Variants in PAK3 observed in about 807,000 individuals in gnomAD.
The protein encoded by PAK3 is serine/threonine-protein kinase PAK 3.
A neutral mutation model predicts 41.0 loss-of-function variants in PAK3; 4 were observed. That is an observed-to-expected ratio of 0.10 (90% confidence interval 0.05 to 0.22). The LOEUF (loss-of-function observed/expected upper bound fraction) is 0.22, where lower values mean the gene tolerates loss of function less well. Among genes scored for constraint, PAK3 ranks in the 10% least tolerant of loss-of-function variants. PAK3 has a pLI of 1.00. For synonymous variants in PAK3, 146 were observed against 139.6 expected (o/e 1.05, Z -0.32); for missense variants, 205 against 409.9 (o/e 0.50, Z 4.32).
chrX:111,179,705 A>G (rs1474505922), intron 11 of PAK3, among the ~76,000 whole-genome samples: 5 of 111,760 alleles, frequency 4.5e-5, no homozygotes. Context: ...GTAAGTCTGT[A>G]TACCCTGAAG....
intron 11 of PAK3, 149 bp downstream of exon 11, chrX:111,173,230 A>C (rs1413206297): frequency 2.0e-5 from 9 of 445,724 alleles, no homozygotes; most frequent in Non-Finnish European, 3.6e-5. Context: ...TTGGCCTTTC[A>C]GGGGGAGTGC....
chrX:111,016,453 T>C (rs1160869119), intron 1 of PAK3, among the ~76,000 whole-genome samples: 2 of 110,941 alleles, frequency 1.8e-5, no homozygotes, highest in Non-Finnish European at 3.8e-5. Flanking sequence ...TATGAGAAAT[T>C]CAAAAGAGAA....
At chrX:111,105,519 CA>C (rs201752399) in intron 4 of PAK3, among the ~76,000 whole-genome samples, 4,700 of 111,824 alleles carry the variant, frequency 0.042, 141 homozygotes, top group African/African-American at 0.094. Context: ...AAACTTATCA[CA>C]GGGACACAAA....
At chrX:110,994,580 C>T (rs1444983044) in intron 1 of PAK3, among the ~76,000 whole-genome samples, 2 of 111,759 alleles carry the variant, frequency 1.8e-5, no homozygotes, top group East Asian at 5.7e-4. Flanking sequence ...CCTGAATAAG[C>T]TCCTCCTTTT....
chrX:111,050,766 G>T (rs1434005218), intron 1 of PAK3, among the ~76,000 whole-genome samples: 3 of 112,709 alleles, frequency 2.7e-5, no homozygotes, highest in Non-Finnish European at 5.6e-5. Flanking sequence ...TGATTGTTCT[G>T]CTGCTGTTGG....
chrX:111,135,592 C>T (rs2093778142), intron 5 of PAK3, among the ~76,000 whole-genome samples: 1 of 111,086 alleles, frequency 9.0e-6, no homozygotes, highest in Non-Finnish European at 1.9e-5. Flanking sequence ...CTGAGAAATG[C>T]AGAAATAGAC....
In PAK3 at chrX:111,221,573, T is replaced by G. The variant is rs865987416; in HGVS notation, c.*1126T>G. On this transcript the variant is annotated 3_prime_UTR_variant, in exon 18 of 18. Coordinates refer to ENST00000372007, the MANE Select transcript of PAK3 (RefSeq NM_002578.5). The stretch of plus-strand genomic sequence containing the variant: ...AATAGATACATTAATCATCATTTAC[T>G]TATGATACAAATTATTTATTTTGAC... 1.8e-5 allele frequency: 2 copies of G among 112,418 alleles called. No individual in the cohort carries two copies. The highest frequency in any genetic ancestry group is 1.9e-4 in the Admixed American group (2 of 10,613). 9.3% of individuals were successfully genotyped at this position (112,418 alleles called of 1,213,427 possible).
At chrX:110,964,132 A>G (rs991975898) in intron 1 of PAK3, among the ~76,000 whole-genome samples, 2 of 111,859 alleles carry the variant, frequency 1.8e-5, no homozygotes, top group Admixed American at 1.9e-4. Context: ...CATTGTTACT[A>G]TTATTTTTGC....
chrX:111,221,229 C>A lies in PAK3; in HGVS notation c.*782C>A, dbSNP rs928818197. 4.5e-5 allele frequency: 5 copies of A among 112,027 alleles called. No homozygotes were observed. Among genetic ancestry groups the A allele is most frequent in the African/African-American group, 1.6e-4 (5 of 30,815 alleles). 9.2% of individuals were successfully genotyped at this position (112,027 alleles called of 1,213,427 possible). A position where few individuals can be genotyped will look rare whatever the true frequency, so the allele number is the denominator to read the frequency against. On this transcript the variant is annotated 3_prime_UTR_variant, in exon 18 of 18. Coordinates refer to ENST00000372007, the MANE Select transcript of PAK3 (RefSeq NM_002578.5). ...CTAAATAAAGCTCAAACGGTGAAATCCTGTCACATTTTCACAATGATGCTT... is the reference window on the plus strand; with the variant it reads ...CTAAATAAAGCTCAAACGGTGAAATACTGTCACATTTTCACAATGATGCTT...
At chrX:111,138,410 G>A (rs1325330752) in intron 5 of PAK3, among the ~76,000 whole-genome samples, 1 of 110,666 alleles carries the variant, frequency 9.0e-6, no homozygotes, top group East Asian at 2.8e-4. Context: ...AGGTAGATAT[G>A]TAAAAAATAC....
Position 111,046,279 on chromosome X carries a change from G to GT in PAK3, c.-27-76796dup, listed in dbSNP as rs781323003. ...GAGAGGCTGAATTTGTGTTGTTGTTGTTGTTTGTTTGTTTGTTTACAATAG... is the reference window on the plus strand; with the variant it reads ...GAGAGGCTGAATTTGTGTTGTTGTTGTTTGTTTGTTTGTTTGTTTACAATAG... On this transcript the variant is annotated intron_variant, in intron 1 of 14. Transcript: ENST00000425146. 3.6e-5 allele frequency among the ~76,000 whole-genome samples: 4 copies of GT among 111,571 alleles called. No individual in the cohort carries two copies. The East Asian group carries it at 1.1e-3, about 32-fold the overall frequency.
intron 1 of PAK3, among the ~76,000 whole-genome samples, chrX:111,022,483 G>T (rs1000236785): frequency 1.8e-5 from 2 of 111,529 alleles, no homozygotes; most frequent in East Asian, 5.7e-4. Flanking sequence ...AATGCTAAGA[G>T]AATTCGCCAC....
chrX:111,218,383 A>G (rs2094899582), intron 17 of PAK3, among the ~76,000 whole-genome samples: 1 of 112,592 alleles, frequency 8.9e-6, no homozygotes, highest in Admixed American at 9.4e-5. Context: ...AGCTGTTTAC[A>G]GACTCATTCA....
intron 1 of PAK3, among the ~76,000 whole-genome samples, chrX:111,019,670 A>G (rs1219110431): frequency 3.2e-5 from 3 of 92,787 alleles, no homozygotes; most frequent in Non-Finnish European, 4.2e-5. Flanking sequence ...AGCTTGGGTG[A>G]CAGAGTGAGA....
At chrX:110,957,249 C>G (rs1235484731) in intron 1 of PAK3, among the ~76,000 whole-genome samples, 1 of 112,221 alleles carries the variant, frequency 8.9e-6, no homozygotes, top group Non-Finnish European at 1.9e-5. Context: ...ATTTAATAGT[C>G]ACAAAAACCC....
chrX:111,104,114 T>A (rs1057431097), intron 4 of PAK3, among the ~76,000 whole-genome samples: 1 of 111,889 alleles, frequency 8.9e-6, no homozygotes, highest in Non-Finnish European at 1.9e-5. Flanking sequence ...TTTCATGGCC[T>A]GTCTCTCCGA....
At chrX:110,985,888 A>C (rs995800045) in intron 1 of PAK3, among the ~76,000 whole-genome samples, 4 of 111,747 alleles carry the variant, frequency 3.6e-5, no homozygotes, top group Non-Finnish European at 3.8e-5. Flanking sequence ...GAATGAGAAC[A>C]GTCTCATTTC....
chrX:110,968,393 A>T (rs900611526), intron 1 of PAK3, among the ~76,000 whole-genome samples: 6 of 112,597 alleles, frequency 5.3e-5, no homozygotes, highest in African/African-American at 1.9e-4. Flanking sequence ...TAGTTTTATA[A>T]GAAACTGGTG....
intron 1 of PAK3, among the ~76,000 whole-genome samples, chrX:111,036,794 A>G (rs1177632006): frequency 8.9e-6 from 1 of 112,154 alleles, no homozygotes; most frequent in Non-Finnish European, 1.9e-5. Flanking sequence ...TTTGATGGGT[A>G]GAATTTATAT....
Sources: gnomAD v4.1 joint callset for allele counts (sites outside exome capture counted in the v4.1 genomes callset) on GRCh38, gnomAD v4.1.1 for gene constraint, MANE v1.5 for transcripts, NCBI Gene and HGNC (gene_info 2026-07-23, HGNC 2026-07-21) for gene names.